Variants in ABCG2 observed in about 807,000 individuals in gnomAD.
ABCG2 encodes broad substrate specificity ATP-binding cassette transporter ABCG2.
In ABCG2, 80 loss-of-function variants were observed where a neutral mutation model predicts 73.5. The observed-to-expected ratio is 1.09, with a 90% CI of 0.91 to 1.31. The LOEUF (loss-of-function observed/expected upper bound fraction) is 1.31, where lower values mean the gene tolerates loss of function less well. ABCG2 is among the 50% of genes most tolerant of loss of function. The pLI is 0.00. For missense variants in ABCG2, 796 were observed against 786.2 expected (o/e 1.01, Z -0.15); for synonymous variants, 269 against 282.4 (o/e 0.95, Z 0.48).
At chr4:88,185,083 A>T (rs1284462230) in intron 1 of ABCG2, among the ~76,000 whole-genome samples, 1 of 152,060 alleles carries the variant, frequency 6.6e-6, no homozygotes. Context: ...GACCTCATGG[A>T]TGGGCGAGGT....
At chr4:88,225,995 T>A (rs1578292870) in intron 1 of ABCG2, among the ~76,000 whole-genome samples, 1 of 152,218 alleles carries the variant, frequency 6.6e-6, no homozygotes, top group East Asian at 1.9e-4. Flanking sequence ...GCCCCCATGA[T>A]TCAATTATCT....
At position 88,129,956 on chromosome 4, in the gene ABCG2, C is replaced by T. The variant is rs1724730481; in HGVS notation, c.531+1105G>A. Among the ~76,000 whole-genome samples the T allele has an allele frequency of 3.3e-5, 5 of 151,862 alleles. No homozygotes were observed. The South Asian group carries it at 1.0e-3, about 32-fold the overall frequency. ...CTCTAGAACCTAAAAGACAGCTTAG[C>T]ATACAAAAGTCTGTAAACATTTGGC... On this transcript the variant is annotated intron_variant, in intron 5 of 15. Transcript: ENST00000237612.
At chr4:88,107,055 C>T in intron 10 of ABCG2, 129 bp downstream of exon 10, 1 of 682,402 alleles carries the variant, frequency 1.5e-6, no homozygotes, top group Non-Finnish European at 2.4e-6. Context: ...AATAAACTGA[C>T]TCATCCTACC....
At chr4:88,229,608 T>A (rs1407666371) in intron 1 of ABCG2, among the ~76,000 whole-genome samples, 1 of 152,080 alleles carries the variant, frequency 6.6e-6, no homozygotes, top group Non-Finnish European at 1.5e-5. Flanking sequence ...CAGGATAGGG[T>A]TCCTTTTATT....
intron 1 of ABCG2, among the ~76,000 whole-genome samples, chr4:88,156,519 A>C (rs749034602): frequency 1.3e-5 from 2 of 152,194 alleles, no homozygotes; most frequent in Non-Finnish European, 2.9e-5. Context: ...ATTATAACCC[A>C]TATAACAAAA....
chr4:88,225,736 C>T (rs7687969), intron 1 of ABCG2, among the ~76,000 whole-genome samples: 151,308 of 152,260 alleles, frequency 0.99, 75,189 homozygotes, highest in East Asian at 1. Flanking sequence ...TAGTCCATTC[C>T]CACACTGCTG....
chr4:88,225,960 C>T (rs1730194850), intron 1 of ABCG2, among the ~76,000 whole-genome samples: 1 of 152,128 alleles, frequency 6.6e-6, no homozygotes, highest in African/African-American at 2.4e-5. Context: ...TTGTTCACTA[C>T]CAGGAGAACA....
At chr4:88,203,801 T>A (rs887264376) in intron 1 of ABCG2, among the ~76,000 whole-genome samples, 1 of 151,848 alleles carries the variant, frequency 6.6e-6, no homozygotes, top group African/African-American at 2.4e-5. Flanking sequence ...GTTTAAGACT[T>A]TCCTTAAACA....
rs57417105 is a variant in ABCG2 at position 88,181,398 on chromosome 4, C to CAAAAAAAAAAAAAAAAAAAAAA, written c.-19-41406_-19-41385dup. On this transcript the variant is annotated intron_variant, in intron 1 of 15. Coordinates refer to the ABCG2 transcript ENST00000515655. Reference sequence around the variant, plus strand: ...CTGGTGACAGAGCAAGACTCCATCTCAAAAAAAAAAAAAAAAAAAAAAAAA... The same window carrying CAAAAAAAAAAAAAAAAAAAAAA: ...CTGGTGACAGAGCAAGACTCCATCTCAAAAAAAAAAAAAAAAAAAAAAAAAAAAAAAAAAAAAAAAAAAAAAA... Among the ~76,000 whole-genome samples, 135 of 96,850 alleles carry CAAAAAAAAAAAAAAAAAAAAAA rather than the reference C, an allele frequency of 1.4e-3. 2 individuals are homozygous for CAAAAAAAAAAAAAAAAAAAAAA. The highest frequency in any genetic ancestry group is 2.3e-3 in the African/African-American group (47 of 20,386). The allele number at this position is 96,850 out of a possible 152,430, so 63.5% of individuals were successfully genotyped here.
chr4:88,120,035 G>GA (rs1467438263), intron 6 of ABCG2, among the ~76,000 whole-genome samples: 1 of 152,114 alleles, frequency 6.6e-6, no homozygotes, highest in Non-Finnish European at 1.5e-5. Flanking sequence ...GGCCTAGGAG[G>GA]AAAAAATGGT....
At chr4:88,173,480 C>T (rs929486469) in intron 1 of ABCG2, among the ~76,000 whole-genome samples, 6 of 152,102 alleles carry the variant, frequency 3.9e-5, no homozygotes, top group Admixed American at 3.9e-4. Flanking sequence ...ATAATGCATT[C>T]TAGGTGTTGT....
chr4:88,121,830 C>T (rs1160355656), intron 5 of ABCG2, 38 bp from the exon 6 acceptor site: 1 of 1,590,164 alleles, frequency 6.3e-7, no homozygotes, highest in East Asian at 2.2e-5. Context: ...TGATAACAAC[C>T]AGTCATTATC....
At chr4:88,191,232 A>C (rs1728679393) in intron 1 of ABCG2, among the ~76,000 whole-genome samples, 1 of 135,022 alleles carries the variant, frequency 7.4e-6, no homozygotes, top group Non-Finnish European at 1.6e-5. Flanking sequence ...AGATCGCGCC[A>C]GTGCACTCCA....
chr4:88,163,109 C>T (rs1727378311), upstream of ABCG2, among the ~76,000 whole-genome samples: 1 of 152,146 alleles, frequency 6.6e-6, no homozygotes, highest in African/African-American at 2.4e-5. Flanking sequence ...CAGATGTATT[C>T]AGTCCGAGTA....
intron 1 of ABCG2, among the ~76,000 whole-genome samples, chr4:88,173,916 C>T (rs999864438): frequency 3.9e-5 from 6 of 152,080 alleles, no homozygotes; most frequent in Non-Finnish European, 4.4e-5. Context: ...AAATAATGTC[C>T]GTATTACTTT....
chr4:88,160,645 T>A (rs764128722), upstream of ABCG2, among the ~76,000 whole-genome samples: 2 of 151,924 alleles, frequency 1.3e-5, no homozygotes, highest in Non-Finnish European at 2.9e-5. Context: ...ATATCAGGAC[T>A]TCAAGAGCAG....
At chr4:88,230,291 T>TCATATA (rs779334338) in intron 1 of ABCG2, among the ~76,000 whole-genome samples, 1 of 57,908 alleles carries the variant, frequency 1.7e-5, no homozygotes, top group Non-Finnish European at 2.8e-5. Context: ...ACCGCACCTG[T>TCATATA]TATATATATA....
At chr4:88,098,736 T>C (rs1228971793) in intron 12 of ABCG2, among the ~76,000 whole-genome samples, 17 of 151,976 alleles carry the variant, frequency 1.1e-4, no homozygotes, top group African/African-American at 3.1e-4. Context: ...TTCTCCAGCA[T>C]AGTCTCAAAG....
At chr4:88,159,543 A>C (rs184159216), upstream of ABCG2, among the ~76,000 whole-genome samples, 88 of 148,278 alleles carry the variant, frequency 5.9e-4, 1 homozygote, top group African/African-American at 2.1e-3. Flanking sequence ...GCGCATGTTC[A>C]GGAAACGGGC....
Sources: gnomAD v4.1 joint callset for allele counts (sites outside exome capture counted in the v4.1 genomes callset) on GRCh38, gnomAD v4.1.1 for gene constraint, MANE v1.5 for transcripts, NCBI Gene and HGNC (gene_info 2026-07-23, HGNC 2026-07-21) for gene names.